The following PEPD variants were observed in gnomAD, a reference collection of about 807,000 sequenced individuals.
PEPD encodes peptidase D, also known as xaa-Pro dipeptidase.
A neutral mutation model predicts 60.7 loss-of-function variants in PEPD; 53 were observed. The ratio of observed to expected loss-of-function variants is 0.87; its 90% confidence interval spans 0.70 to 1.10. The LOEUF (loss-of-function observed/expected upper bound fraction) is 1.10, where lower values mean the gene tolerates loss of function less well. Among genes scored for constraint, PEPD ranks in the 50% least tolerant of loss-of-function variants. The pLI, the probability that PEPD is intolerant of heterozygous loss-of-function variation, is 0.00. For synonymous variants in PEPD, 267 were observed against 284.1 expected (o/e 0.94, Z 0.60); for missense variants, 711 against 711.9 (o/e 1.00, Z 0.01).
intron 11 of PEPD, among the ~76,000 whole-genome samples, chr19:33,403,143 G>A (rs999235089): frequency 5.3e-5 from 8 of 152,192 alleles, no homozygotes; most frequent in Non-Finnish European, 1.0e-4. Context: ...GGGCGGAGGG[G>A]CGCAGGTGGT....
chr19:33,463,394 C>T (rs1969965270), intron 8 of PEPD, among the ~76,000 whole-genome samples: 1 of 152,212 alleles, frequency 6.6e-6, no homozygotes, highest in Non-Finnish European at 1.5e-5. Context: ...AAAAGGCCTC[C>T]TTTGTTTAAC....
intron 9 of PEPD, among the ~76,000 whole-genome samples, chr19:33,435,029 G>A (rs972479892): frequency 5.3e-5 from 8 of 152,148 alleles, no homozygotes; most frequent in Admixed American, 1.3e-4. Flanking sequence ...AGTGTGAGCC[G>A]GAATGCGATG....
At chr19:33,406,297 G>C (rs1182049318) in intron 11 of PEPD, among the ~76,000 whole-genome samples, 1 of 152,232 alleles carries the variant, frequency 6.6e-6, no homozygotes, top group South Asian at 2.1e-4. Flanking sequence ...GTGCAGCCAC[G>C]AAGCACAAAC....
At chr19:33,521,252 G>C (rs1310964042) in intron 1 of PEPD, among the ~76,000 whole-genome samples, 1 of 152,252 alleles carries the variant, frequency 6.6e-6, no homozygotes. Context: ...ATCAGGTGAT[G>C]ATGAGGGCAC....
intron 4 of PEPD, among the ~76,000 whole-genome samples, chr19:33,499,768 A>C (rs1970674455): frequency 6.6e-6 from 1 of 152,354 alleles, no homozygotes; most frequent in African/African-American, 2.4e-5. Flanking sequence ...ATTCCAGGAC[A>C]GCAGTACCGG....
chr19:33,405,010 G>A (rs190509851), intron 11 of PEPD, among the ~76,000 whole-genome samples: 119 of 152,326 alleles, frequency 7.8e-4, no homozygotes, highest in African/African-American at 2.7e-3. Flanking sequence ...GAACAGGCAC[G>A]CAGGATCCCT....
chr19:33,431,713 C>T (rs2075374105), intron 9 of PEPD, among the ~76,000 whole-genome samples: 1 of 152,120 alleles, frequency 6.6e-6, no homozygotes, highest in African/African-American at 2.4e-5. Context: ...GAAGATTAGG[C>T]AGGTCGTGGT....
chr19:33,460,548 A>G (rs1969906969), intron 9 of PEPD, among the ~76,000 whole-genome samples: 1 of 152,054 alleles, frequency 6.6e-6, no homozygotes. Context: ...TCCCCTCAGG[A>G]ACAGCCTCCA....
chr19:33,518,399 G>A (rs1391472492), intron 1 of PEPD, among the ~76,000 whole-genome samples: 1 of 152,158 alleles, frequency 6.6e-6, no homozygotes, highest in African/African-American at 2.4e-5. Context: ...GTGGGGTTGG[G>A]CTCTTGACCC....
Position 33,485,491 on chromosome 19 carries a change from T to TAAAAA in PEPD, c.503+4500_503+4504dup, listed in dbSNP as rs908651690. 1.8e-3 allele frequency among the ~76,000 whole-genome samples: 202 copies of TAAAAA among 110,940 alleles called. 2 individuals carry two copies. The highest frequency in any genetic ancestry group is 5.8e-3 in the African/African-American group (159 of 27,442). 72.8% of individuals were successfully genotyped at this position (110,940 alleles called of 152,430 possible). On this transcript the variant is annotated intron_variant, in intron 6 of 14. Transcript: ENST00000244137. ...CTGGGCAACAGAGCAAGACTCTGTC[T>TAAAAA]AAAAAAAAAAAAAAAAAAGAAGCCA...
intron 3 of PEPD, among the ~76,000 whole-genome samples, chr19:33,505,062 T>C (rs1173827229): frequency 6.6e-6 from 1 of 152,184 alleles, no homozygotes; most frequent in East Asian, 1.9e-4. Flanking sequence ...ATTAAATTAA[T>C]GCCACACAGT....
chr19:33,455,994 G>C (rs1435772873), intron 9 of PEPD, among the ~76,000 whole-genome samples: 1 of 152,122 alleles, frequency 6.6e-6, no homozygotes, highest in Non-Finnish European at 1.5e-5. Context: ...CATCGACCAG[G>C]TTACACATTT....
At chr19:33,409,900 G>A (rs566943343) in intron 11 of PEPD, among the ~76,000 whole-genome samples, 1 of 152,248 alleles carries the variant, frequency 6.6e-6, no homozygotes, top group Non-Finnish European at 1.5e-5. Flanking sequence ...CAGGATCAGG[G>A]CGAGGAGTGG....
At position 33,520,852 on chromosome 19, in the gene PEPD, C is replaced by T. The variant is rs138863457; in HGVS notation, c.17+892G>A. ...TGAACTCACACATAGCTCAGGGGAG[C>T]CTAATCTTTAAAAAACAGATCAAGC... On this transcript the variant is annotated intron_variant, in intron 1 of 14. Coordinates refer to ENST00000244137, the MANE Select transcript of PEPD (RefSeq NM_000285.4). Among the ~76,000 whole-genome samples the T allele has an allele frequency of 3.9e-5, 6 of 152,238 alleles. No individual in the cohort carries two copies. The East Asian group carries it at 9.7e-4, about 25-fold the overall frequency.
chr19:33,473,980 T>G (rs1362989940), intron 7 of PEPD, among the ~76,000 whole-genome samples: 1 of 152,228 alleles, frequency 6.6e-6, no homozygotes, highest in African/African-American at 2.4e-5. Context: ...AGTTTGCCTG[T>G]GCTAGGAGAG....
chr19:33,455,835 G>A (rs1969786526), intron 9 of PEPD, among the ~76,000 whole-genome samples: 1 of 151,980 alleles, frequency 6.6e-6, no homozygotes, highest in African/African-American at 2.4e-5. Context: ...CAGGTTTAAT[G>A]GTGAAACACT....
At chr19:33,402,042 G>A (rs902353878) in intron 11 of PEPD, among the ~76,000 whole-genome samples, 173 bp from the exon 12 acceptor site, 4 of 152,162 alleles carry the variant, frequency 2.6e-5, no homozygotes, top group African/African-American at 9.7e-5. Context: ...CCACGGGTGC[G>A]TGGGCAGCAA....
rs1475671675 is a variant in PEPD, at chr19:33,498,259, G to A, written c.393+2679C>T. Among the ~76,000 whole-genome samples, 5 of 152,250 alleles carry A rather than the reference G, an allele frequency of 3.3e-5. No homozygotes were observed. The East Asian group carries it at 5.8e-4, about 18-fold the overall frequency. On this transcript the variant is annotated intron_variant, in intron 4 of 14. Coordinates refer to ENST00000244137, the MANE Select transcript of PEPD (RefSeq NM_000285.4). ...TGACGGGGTGCGGTGGGGTGCTCCC[G>A]AACCCTAAAGAGATTCTAGCCTTTG...
chr19:33,412,757 C>T (rs764069538), intron 10 of PEPD, among the ~76,000 whole-genome samples: 12 of 152,206 alleles, frequency 7.9e-5, no homozygotes, highest in Non-Finnish European at 1.2e-4. Context: ...GTGCCGGGGA[C>T]GTGCGCATTG....
Sources: allele counts gnomAD v4.1 joint callset (sites outside exome capture counted in the v4.1 genomes callset), GRCh38; gene constraint gnomAD v4.1.1; transcripts MANE v1.5; gene names NCBI Gene and HGNC (gene_info 2026-07-23, HGNC 2026-07-21).